The following AP1S3 variants were observed in gnomAD, a reference collection of about 807,000 sequenced individuals.
AP1S3 encodes the protein AP-1 complex subunit sigma-3.
A neutral mutation model predicts 20.9 loss-of-function variants in AP1S3; 10 were observed. That is an observed-to-expected ratio of 0.48 (90% CI 0.29 to 0.81). AP1S3 has a LOEUF of 0.81. Among genes scored for constraint, AP1S3 ranks in the 30% least tolerant of loss-of-function variants. The probability of loss-of-function intolerance (pLI) is 0.08; values close to 1 mark genes in which losing one functional copy is unlikely to be tolerated. For missense variants in AP1S3, 154 were observed against 183.8 expected (o/e 0.84, Z 0.94); for synonymous variants, 41 against 61.5 (o/e 0.67, Z 1.56).
chr2:223,776,120 C>T, intron 2 of AP1S3, 111 bp from the exon 3 acceptor site: 1 of 766,830 alleles, frequency 1.3e-6, no homozygotes, highest in Non-Finnish European at 2.3e-6. Flanking sequence ...CTCTCCTCAT[C>T]CAAGAATGAA....
chr2:223,782,078 C>T (rs1320612930), intron 1 of AP1S3, among the ~76,000 whole-genome samples: 1 of 147,654 alleles, frequency 6.8e-6, no homozygotes, highest in Non-Finnish European at 1.5e-5. Flanking sequence ...GTGGCGCCAT[C>T]TTGGCTTACT....
chr2:223,809,025 G>C (rs1691650183), intron 1 of AP1S3, among the ~76,000 whole-genome samples: 1 of 152,188 alleles, frequency 6.6e-6, no homozygotes, highest in Non-Finnish European at 1.5e-5. Flanking sequence ...ACTGGCTGGG[G>C]AAGTTTGAGG....
intron 1 of AP1S3, 58 bp downstream of exon 1, chr2:223,837,390 T>A: frequency 9.4e-7 from 1 of 1,058,842 alleles, no homozygotes; most frequent in Non-Finnish European, 1.2e-6. Context: ...CCCAGGTGCC[T>A]CCCCGGAGCG....
At chr2:223,807,709 C>G (rs550965735) in intron 1 of AP1S3, among the ~76,000 whole-genome samples, 4 of 151,948 alleles carry the variant, frequency 2.6e-5, no homozygotes, top group African/African-American at 4.8e-5. Context: ...CCTGCTCCCC[C>G]ACATAAGATG....
rs1345732390 is a variant in AP1S3 at position 223,765,281 on chromosome 2, C to T, written c.361G>A (p.Gly121Arg). The change falls in exon 4 of 5, where the codon GGG (glycine) becomes AGG (arginine). Residue 121 changes from glycine to arginine, a missense_variant. Transcript: ENST00000396654. Reference sequence around the variant, plus strand: ...TTCTTGGATGTTTCCTGAATTTCCCCACCTATTATAAACTCGTCCAGGATG... The same window carrying T: ...TTCTTGGATGTTTCCTGAATTTCCCTACCTATTATAAACTCGTCCAGGATG... Reference protein sequence around the residue: ...YFILDEFIIGGEIQETSKKIA... With the variant: ...YFILDEFIIGREIQETSKKIA... The T allele has an allele frequency of 6.2e-7, 1 of 1,613,992 alleles. No homozygotes were observed. Among genetic ancestry groups the T allele is most frequent in the Admixed American group, 1.7e-5 (1 of 60,010 alleles).
At chr2:223,770,059 A>C in intron 3 of AP1S3, 1 of 1,363,666 alleles carries the variant, frequency 7.3e-7, no homozygotes, top group Non-Finnish European at 9.8e-7. Flanking sequence ...CCTATTTTTA[A>C]AAACCGTATA....
intron 1 of AP1S3, among the ~76,000 whole-genome samples, chr2:223,785,760 G>A (rs1691057312): frequency 6.6e-6 from 1 of 152,182 alleles, no homozygotes; most frequent in Non-Finnish European, 1.5e-5. Flanking sequence ...GTGTTGGGGA[G>A]GGATGAATAG....
At chr2:223,782,227 G>T (rs1690967965) in intron 1 of AP1S3, among the ~76,000 whole-genome samples, 1 of 152,034 alleles carries the variant, frequency 6.6e-6, no homozygotes, top group South Asian at 2.1e-4. Flanking sequence ...TGGCCAGGCT[G>T]GTCTTGAACT....
intron 3 of AP1S3, among the ~76,000 whole-genome samples, chr2:223,775,662 A>G (rs7565238): frequency 0.66 from 99,714 of 151,982 alleles, 33,537 homozygotes; most frequent in East Asian, 0.81. Flanking sequence ...GCAACATAGC[A>G]GGACTCCATA....
At chr2:223,769,847 CCA>C (rs1301561209) in intron 3 of AP1S3, among the ~76,000 whole-genome samples, 1 of 149,978 alleles carries the variant, frequency 6.7e-6, no homozygotes, top group Non-Finnish European at 1.5e-5. Context: ...GGGGTTCACG[CCA>C]TTCTCCTGCC....
chr2:223,825,303 A>G (rs1225462352), intron 1 of AP1S3, among the ~76,000 whole-genome samples: 2 of 131,762 alleles, frequency 1.5e-5, no homozygotes, highest in Non-Finnish European at 3.2e-5. Flanking sequence ...ACAGAGGGAG[A>G]CTCCGTCTCA....
At chr2:223,785,575 A>C (rs1691053045) in intron 1 of AP1S3, among the ~76,000 whole-genome samples, 1 of 152,214 alleles carries the variant, frequency 6.6e-6, no homozygotes. Flanking sequence ...AAAGAATATC[A>C]GTGAGTTCAA....
intron 1 of AP1S3, among the ~76,000 whole-genome samples, chr2:223,785,832 C>T (rs144166808): frequency 1.8e-3 from 279 of 152,196 alleles, no homozygotes; most frequent in African/African-American, 6.5e-3. Context: ...ATGGTGGATC[C>T]GTGTCATTAT....
chr2:223,779,864 G>A (rs1690880053), intron 1 of AP1S3, among the ~76,000 whole-genome samples: 1 of 152,078 alleles, frequency 6.6e-6, no homozygotes, highest in African/African-American at 2.4e-5. Context: ...CTACTCAGGA[G>A]GCTGAGGCAG....
In AP1S3 at chr2:223,758,315, TA is replaced by T; in HGVS notation, c.*399del. The T allele has an allele frequency of 3.1e-6, 3 of 979,022 alleles. No individual in the cohort carries two copies. The highest frequency in any genetic ancestry group is 3.6e-6 in the Non-Finnish European group (3 of 822,452). The allele number at this position is 979,022 out of a possible 1,614,324, so 60.6% of individuals were successfully genotyped here. On this transcript the variant is annotated 3_prime_UTR_variant, in exon 5 of 5. Coordinates refer to ENST00000396654, the MANE Select transcript of AP1S3 (RefSeq NM_001039569.2). ...AAAACTAAACATTTAGAAAAAGTAT[TA>T]ATGACATCATATATACTTTACATTC...
chr2:223,792,674 T>C (rs74412796), intron 1 of AP1S3, among the ~76,000 whole-genome samples: 2,436 of 152,200 alleles, frequency 0.016, 70 homozygotes, highest in African/African-American at 0.055. Flanking sequence ...GCAGATTTCA[T>C]GACAAAAATG....
chr2:223,778,199 C>T (rs575245417), intron 1 of AP1S3, among the ~76,000 whole-genome samples: 1 of 151,756 alleles, frequency 6.6e-6, no homozygotes, highest in Non-Finnish European at 1.5e-5. Context: ...GGTCTCAGCT[C>T]ACTGGGACCT....
intron 1 of AP1S3, among the ~76,000 whole-genome samples, chr2:223,800,947 G>A (rs2106110680): frequency 6.6e-6 from 1 of 152,320 alleles, no homozygotes; most frequent in East Asian, 1.9e-4. Context: ...GTTTGAGGCA[G>A]AATTAAGATG....
chr2:223,778,053 ATG>A (rs1181419398), intron 1 of AP1S3, among the ~76,000 whole-genome samples, 184 bp from the exon 2 acceptor site: 1 of 152,216 alleles, frequency 6.6e-6, no homozygotes, highest in Non-Finnish European at 1.5e-5. Context: ...GAAAAAAGAA[ATG>A]TGTATACCAC....
Sources: gnomAD v4.1 joint callset for allele counts (sites outside exome capture counted in the v4.1 genomes callset) on GRCh38, gnomAD v4.1.1 for gene constraint, MANE v1.5 for transcripts, NCBI Gene and HGNC (gene_info 2026-07-23, HGNC 2026-07-21) for gene names.